LDLRAD3: variants seen among roughly 807,000 people sequenced by gnomAD.
LDLRAD3 encodes the protein low-density lipoprotein receptor class A domain-containing protein 3.
Under a neutral mutation model 29.4 loss-of-function variants are expected in LDLRAD3, and 20 were observed. The ratio of observed to expected loss-of-function variants is 0.68; its 90% confidence interval spans 0.48 to 0.99. LDLRAD3 has a LOEUF of 0.99. LDLRAD3 is among the 50% of genes least tolerant of loss of function. LDLRAD3 has a pLI of 0.00. For synonymous variants in LDLRAD3, 157 were observed against 192.7 expected, an observed-to-expected ratio of 0.81 and a Z score of 1.53; for missense variants, 420 against 454.3, an observed-to-expected ratio of 0.92 and a Z score of 0.69.
intron 4 of LDLRAD3, among the ~76,000 whole-genome samples, chr11:36,142,882 G>A (rs1329125926): frequency 6.6e-6 from 1 of 152,210 alleles, no homozygotes; most frequent in East Asian, 1.9e-4. Context: ...TGAAAGCACT[G>A]TGCAGTCACG....
intron 1 of LDLRAD3, among the ~76,000 whole-genome samples, chr11:35,999,304 T>C (rs1851793420): frequency 6.6e-6 from 1 of 152,126 alleles, no homozygotes; most frequent in Admixed American, 6.5e-5. Context: ...GATGCAGAGG[T>C]TCCTTCAGTT....
chr11:36,224,142 A>G (rs1045376730), intron 4 of LDLRAD3, among the ~76,000 whole-genome samples: 8 of 150,860 alleles, frequency 5.3e-5, no homozygotes, highest in Non-Finnish European at 1.2e-4. Flanking sequence ...TGTTACAAGA[A>G]AGAACTAGCA....
chr11:36,213,113 C>T lies in LDLRAD3; in HGVS notation c.455-13972C>T, dbSNP rs1311724375. The stretch of plus-strand genomic sequence containing the variant: ...CCTCCCTGTTCCTCTTCCACTCCCC[C>T]TCCCCTTGCTTTCCCTCCCTCTCAT... On this transcript the variant is annotated intron_variant, in intron 4 of 5. Coordinates refer to ENST00000315571, the MANE Select transcript of LDLRAD3 (RefSeq NM_174902.4). The surrounding 1 kb of genome is among the most constrained non-coding windows in gnomAD (Gnocchi z 4.1). Among the ~76,000 whole-genome samples, 1 of 151,334 alleles carries T rather than the reference C, an allele frequency of 6.6e-6. No individual in the cohort carries two copies.
At chr11:36,221,966 T>C (rs1310238587) in intron 4 of LDLRAD3, among the ~76,000 whole-genome samples, 2 of 152,232 alleles carry the variant, frequency 1.3e-5, no homozygotes, top group Admixed American at 1.3e-4. Flanking sequence ...TACAAGATTG[T>C]ACGGATACAC....
chr11:36,036,336 C>T, intron 2 of LDLRAD3, 87 bp downstream of exon 2: 1 of 1,480,270 alleles, frequency 6.8e-7, no homozygotes, highest in Non-Finnish European at 9.3e-7. Context: ...AGACCCTGCA[C>T]ACTCTGCTTG....
chr11:36,191,599 T>TATATATATAC (rs1554972506), intron 4 of LDLRAD3, among the ~76,000 whole-genome samples: 3 of 93,132 alleles, frequency 3.2e-5, no homozygotes, highest in Admixed American at 1.1e-4. Flanking sequence ...TATATATATA[T>TATATATATAC]ACACACACAC....
chr11:36,171,447 G>C (rs1009253550), intron 4 of LDLRAD3, among the ~76,000 whole-genome samples: 4 of 152,094 alleles, frequency 2.6e-5, no homozygotes, highest in Non-Finnish European at 5.9e-5. Flanking sequence ...TTAAGTCTTT[G>C]ATCCATCTTG....
At chr11:36,197,274 G>A (rs1855047825) in intron 4 of LDLRAD3, 2 of 152,152 alleles carry the variant, frequency 1.3e-5, no homozygotes, top group Non-Finnish European at 2.9e-5. Context: ...TCCAAACACG[G>A]AGATGACTTT....
At chr11:36,185,708 T>C (rs1023850032) in intron 4 of LDLRAD3, among the ~76,000 whole-genome samples, 1 of 152,188 alleles carries the variant, frequency 6.6e-6, no homozygotes, top group Non-Finnish European at 1.5e-5. Context: ...TACCACATTA[T>C]TGCTCTCCCT....
intron 4 of LDLRAD3, among the ~76,000 whole-genome samples, chr11:36,113,839 A>G (rs1255151866): frequency 6.6e-6 from 1 of 151,960 alleles, no homozygotes; most frequent in Non-Finnish European, 1.5e-5. Context: ...ACACCCAGCT[A>G]ATTTTTGTAT....
At chr11:36,196,825 C>T (rs1031519569) in intron 4 of LDLRAD3, 1 of 152,164 alleles carries the variant, frequency 6.6e-6, no homozygotes, top group Non-Finnish European at 1.5e-5. Flanking sequence ...CATGGTTTTA[C>T]CCAAATCCCT....
chr11:36,090,278 G>A (rs1288794372), intron 3 of LDLRAD3, among the ~76,000 whole-genome samples: 1 of 152,162 alleles, frequency 6.6e-6, no homozygotes, highest in Non-Finnish European at 1.5e-5. Context: ...AGGAGAGGAA[G>A]AAGATCACAT....
chr11:36,155,707 C>A (rs1854339321), intron 4 of LDLRAD3, among the ~76,000 whole-genome samples: 1 of 152,230 alleles, frequency 6.6e-6, no homozygotes, highest in Non-Finnish European at 1.5e-5. Flanking sequence ...TTATCCATCA[C>A]TTTAGGATAC....
intron 4 of LDLRAD3, among the ~76,000 whole-genome samples, chr11:36,195,197 T>A (rs1389362865): frequency 6.6e-6 from 1 of 152,212 alleles, no homozygotes; most frequent in Non-Finnish European, 1.5e-5. Flanking sequence ...TCATCATCAT[T>A]ACCATCATTA....
At chr11:35,960,257 C>T (rs1851259227) in intron 1 of LDLRAD3, among the ~76,000 whole-genome samples, 1 of 152,168 alleles carries the variant, frequency 6.6e-6, no homozygotes, top group African/African-American at 2.4e-5. Flanking sequence ...GGTAGAATAT[C>T]CTATTATATG....
chr11:35,962,983 C>T (rs142040968), intron 1 of LDLRAD3, among the ~76,000 whole-genome samples: 12 of 152,236 alleles, frequency 7.9e-5, no homozygotes, highest in African/African-American at 2.6e-4. Context: ...CAAAACAACA[C>T]AGAGATCAGA....
intron 1 of LDLRAD3, among the ~76,000 whole-genome samples, chr11:36,001,742 T>G (rs2133178322): frequency 6.8e-6 from 1 of 145,994 alleles, no homozygotes; most frequent in East Asian, 2.0e-4. Flanking sequence ...TAGTATTCTT[T>G]CAGTTATATT....
chr11:36,085,442 AT>A (rs1204433922), intron 3 of LDLRAD3, among the ~76,000 whole-genome samples: 16 of 149,646 alleles, frequency 1.1e-4, no homozygotes, highest in African/African-American at 4.0e-4. Context: ...TCTCTGAGCT[AT>A]TTGAATCTGT....
Position 36,226,660 on chromosome 11 carries a change from A to G in LDLRAD3, c.455-425A>G, listed in dbSNP as rs147100678. Among the ~76,000 whole-genome samples the G allele has an allele frequency of 5.9e-5, 9 of 152,328 alleles. No individual in the cohort carries two copies. The East Asian group carries it at 1.3e-3, about 23-fold the overall frequency. On this transcript the variant is annotated intron_variant, in intron 4 of 5. Coordinates refer to ENST00000315571, the MANE Select transcript of LDLRAD3 (RefSeq NM_174902.4). ...TCGGGACATTCCCGTCACCCCAACA[A>G]GATTCCTCATACCCATTGACTGTTA...
Sources: gnomAD v4.1 joint callset for allele counts (sites outside exome capture counted in the v4.1 genomes callset) on GRCh38, gnomAD v4.1.1 for gene constraint, Gnocchi (gnomAD v3.1) non-coding constraint, MANE v1.5 for transcripts, NCBI Gene and HGNC (gene_info 2026-07-23, HGNC 2026-07-21) for gene names.